Variants in TGFB2 observed in about 807,000 individuals in gnomAD.
TGFB2 encodes transforming growth factor beta 2.
TGFB2 carries 13 observed loss-of-function variants against 42.7 expected under a neutral mutation model. The ratio of observed to expected loss-of-function variants is 0.30; its 90% CI spans 0.20 to 0.48. The LOEUF is 0.48. Among genes scored for constraint, TGFB2 ranks in the 20% least tolerant of loss-of-function variants. The pLI is 0.99. For missense variants in TGFB2, 390 were observed against 517.5 expected, an observed-to-expected ratio of 0.75 and a Z score of 2.39; for synonymous variants, 193 against 193.6, an observed-to-expected ratio of 1.00 and a Z score of 0.03.
chr1:218,433,886 G>A (rs1210468216), intron 2 of TGFB2, among the ~76,000 whole-genome samples, 196 bp from the exon 3 acceptor site: 2 of 152,156 alleles, frequency 1.3e-5, no homozygotes, highest in Non-Finnish European at 2.9e-5. Context: ...AGCTGATTTA[G>A]TAGCTATTTT....
chr1:218,358,934 C>T (rs1287883911), intron 1 of TGFB2, among the ~76,000 whole-genome samples: 1 of 152,132 alleles, frequency 6.6e-6, no homozygotes, highest in Non-Finnish European at 1.5e-5. Flanking sequence ...AAGAAACAAT[C>T]ACAGATGGAG....
At chr1:218,370,082 G>A (rs769089425) in intron 1 of TGFB2, among the ~76,000 whole-genome samples, 1 of 152,210 alleles carries the variant, frequency 6.6e-6, no homozygotes. Flanking sequence ...CAGGGAGCCT[G>A]CACTTAGTGA....
At chr1:218,377,007 C>T (rs374831633) in intron 1 of TGFB2, among the ~76,000 whole-genome samples, 3 of 152,228 alleles carry the variant, frequency 2.0e-5, no homozygotes, top group African/African-American at 7.2e-5. Context: ...GACTCTCCCA[C>T]CTCAGCCTAG....
chr1:218,361,225 A>G (rs1421601681), intron 1 of TGFB2, among the ~76,000 whole-genome samples: 3 of 152,162 alleles, frequency 2.0e-5, no homozygotes, highest in Non-Finnish European at 4.4e-5. Context: ...TTACATCTCT[A>G]TCTCATTCAT....
chr1:218,428,083 A>G (rs943141373), intron 2 of TGFB2, among the ~76,000 whole-genome samples: 6 of 152,238 alleles, frequency 3.9e-5, no homozygotes, highest in Admixed American at 1.3e-4. Flanking sequence ...TCTGATGGCC[A>G]GTGATGATGA....
intron 1 of TGFB2, among the ~76,000 whole-genome samples, chr1:218,349,900 A>G (rs1656813992): frequency 6.6e-6 from 1 of 152,230 alleles, no homozygotes; most frequent in East Asian, 1.9e-4. Context: ...TATAAATAAT[A>G]CTGTGTCAAC....
At chr1:218,416,949 T>C (rs1659300962) in intron 2 of TGFB2, among the ~76,000 whole-genome samples, 1 of 152,224 alleles carries the variant, frequency 6.6e-6, no homozygotes, top group African/African-American at 2.4e-5. Flanking sequence ...GCCATGACTG[T>C]GAGGCCTCCC....
At chr1:218,429,266 C>T (rs764146296) in intron 2 of TGFB2, among the ~76,000 whole-genome samples, 4 of 152,202 alleles carry the variant, frequency 2.6e-5, no homozygotes, top group Non-Finnish European at 4.4e-5. Flanking sequence ...CAGGCGTGAG[C>T]CACTGTGCCT....
intron 1 of TGFB2, among the ~76,000 whole-genome samples, chr1:218,364,107 G>A (rs1490146296): frequency 6.6e-6 from 1 of 152,190 alleles, no homozygotes; most frequent in Non-Finnish European, 1.5e-5. Context: ...AAGATTGGAC[G>A]CCCCTGCTCT....
chr1:218,377,277 A>G (rs1366470711), intron 1 of TGFB2, among the ~76,000 whole-genome samples: 1 of 152,240 alleles, frequency 6.6e-6, no homozygotes, highest in South Asian at 2.1e-4. Flanking sequence ...TGAAAGGGAA[A>G]TAGAAAAATC....
chr1:218,355,304 G>A (rs1020222487), intron 1 of TGFB2, among the ~76,000 whole-genome samples: 3 of 152,200 alleles, frequency 2.0e-5, no homozygotes, highest in Admixed American at 1.3e-4. Flanking sequence ...GGGAAGGCAA[G>A]ATGATATACA....
chr1:218,379,228 G>C (rs139371558), intron 1 of TGFB2, among the ~76,000 whole-genome samples: 21,998 of 151,076 alleles, frequency 0.15, 1,950 homozygotes, highest in South Asian at 0.22. Flanking sequence ...CGCCTCCCGG[G>C]TTCACGCCAT....
chr1:218,352,392 T>C (rs114510776), intron 1 of TGFB2, among the ~76,000 whole-genome samples: 16 of 152,330 alleles, frequency 1.1e-4, no homozygotes, highest in African/African-American at 3.8e-4. Flanking sequence ...AAATGCCCAT[T>C]GTCATTTTGA....
At chr1:218,430,255 A>G (rs1475314586) in intron 2 of TGFB2, among the ~76,000 whole-genome samples, 2 of 151,962 alleles carry the variant, frequency 1.3e-5, no homozygotes, top group Non-Finnish European at 2.9e-5. Context: ...TTAGCCGGGC[A>G]TGGGTGGCGC....
At chr1:218,395,468 G>A (rs1410885469) in intron 1 of TGFB2, among the ~76,000 whole-genome samples, 2 of 152,156 alleles carry the variant, frequency 1.3e-5, no homozygotes, top group African/African-American at 4.8e-5. Context: ...TGGCGTGGTA[G>A]TCATACCTTC....
chr1:218,351,993 C>A (rs532152243), intron 1 of TGFB2, among the ~76,000 whole-genome samples: 118 of 152,270 alleles, frequency 7.7e-4, no homozygotes, highest in African/African-American at 2.6e-3. Context: ...ACACTTTAGG[C>A]TGCATATTTA....
At chr1:218,431,219 A>T (rs1659796931) in intron 2 of TGFB2, among the ~76,000 whole-genome samples, 1 of 152,190 alleles carries the variant, frequency 6.6e-6, no homozygotes, top group African/African-American at 2.4e-5. Flanking sequence ...AAGTGAGAGG[A>T]TGAGATTGTC....
chr1:218,353,471 T>A lies in TGFB2; in HGVS notation c.346+6424T>A, dbSNP rs115413778. Among the ~76,000 whole-genome samples, 390 of 152,344 alleles carry A rather than the reference T, an allele frequency of 2.6e-3. 3 individuals carry two copies. The highest frequency in any genetic ancestry group is 9.0e-3 in the African/African-American group (376 of 41,582). ...TTGCTCAGCCCCTCCTCTCACTAAA[T>A]CCCTGCATGAAAACTATACTCCAGT... is the stretch of plus-strand genomic sequence containing the variant. On this transcript the variant is annotated intron_variant, in intron 1 of 6. Coordinates refer to ENST00000366930, the MANE Select transcript of TGFB2 (RefSeq NM_003238.6).
At chr1:218,393,777 G>A (rs2102581385) in intron 1 of TGFB2, among the ~76,000 whole-genome samples, 1 of 152,252 alleles carries the variant, frequency 6.6e-6, no homozygotes, top group Admixed American at 6.5e-5. Context: ...CCAGCTGTGA[G>A]GACCACCTGC....
Sources: allele counts gnomAD v4.1 joint callset (sites outside exome capture counted in the v4.1 genomes callset), GRCh38; gene constraint gnomAD v4.1.1; transcripts MANE v1.5; gene names NCBI Gene and HGNC (gene_info 2026-07-23, HGNC 2026-07-21).